The following OR4P4 variants were observed in gnomAD, a reference collection of about 807,000 sequenced individuals.
OR4P4 encodes the protein olfactory receptor family 4 subfamily P member 4, also known as olfactory receptor 4P4.
In OR4P4, 1 loss-of-function variant was observed where a neutral mutation model predicts 2.1. The ratio of observed to expected loss-of-function variants is 0.47; its 90% CI spans 0.17 to 2.21. The LOEUF is 2.21. Among genes scored for constraint, OR4P4 ranks in the 30% most tolerant of loss-of-function variants. The pLI, the probability that OR4P4 is intolerant of heterozygous loss-of-function variation, is 0.27. For missense variants in OR4P4, 375 were observed against 376.5 expected (o/e 1.00, Z 0.03); for synonymous variants, 129 against 133.2 (o/e 0.97, Z 0.22).
rs1360104134 is a variant in OR4P4 at position 55,639,325 on chromosome 11, C to T, written c.*29C>T. The T allele has an allele frequency of 1.7e-6, 2 of 1,190,884 alleles. 1 individual carries two copies. The allele number at this position is 1,190,884 out of a possible 1,614,324, so 73.8% of individuals were successfully genotyped here. A position where few individuals can be genotyped will look rare whatever the true frequency, so the allele number is the denominator to read the frequency against. The stretch of plus-strand genomic sequence containing the variant: ...GTTTCTGCTTTTCATGCCGTGGTTC[C>T]CTGATGAATGAGAAAAATTCACTCT... On this transcript the variant is annotated 3_prime_UTR_variant, in exon 2 of 2. Transcript: ENST00000641760.
rs1174049921 is a variant in OR4P4, at chr11:55,636,268, T to C, written c.-31+1052T>C. Among the ~76,000 whole-genome samples the C allele has an allele frequency of 1.4e-5, 2 of 138,006 alleles. 1 individual carries two copies. The highest frequency in any genetic ancestry group is 3.2e-5 in the Non-Finnish European group (2 of 61,794). The allele number at this position is 138,006 out of a possible 152,430, so 90.5% of individuals were successfully genotyped here. A position where few individuals can be genotyped will look rare whatever the true frequency, so the allele number is the denominator to read the frequency against. On this transcript the variant is annotated intron_variant, in intron 1 of 1. Transcript: ENST00000641760. ...TATTCATGTTTGGGAGAACAAAATA[T>C]ATCTTGCTTCCTGCAGAAATATGTG...
At chr11:55,639,609 G>C (rs9667617) in exon 2 of OR4P4, 192,457 of 230,282 alleles carry the variant, frequency 0.84, 84,789 homozygotes, top group East Asian at 1. Context: ...GTGCCTTAAA[G>C]TTCTGAGAAG....
At position 55,635,415 on chromosome 11, in the gene OR4P4, T is replaced by C. The variant is rs369592410; in HGVS notation, c.-31+199T>C. 2.5e-4 allele frequency among the ~76,000 whole-genome samples: 35 copies of C among 138,032 alleles called. 2 individuals carry two copies. Among genetic ancestry groups the C allele is most frequent in the African/African-American group, 8.3e-4 (33 of 39,972 alleles). The allele number at this position is 138,032 out of a possible 152,430, so 90.6% of individuals were successfully genotyped here. A position where few individuals can be genotyped will look rare whatever the true frequency, so the allele number is the denominator to read the frequency against. ...TAGTTTTTGAAAACAAGGCAAGTAC[T>C]CCTCTTGCCTTCAAACTTTTTTTTA... is the stretch of plus-strand genomic sequence containing the variant. On this transcript the variant is annotated intron_variant, in intron 1 of 1. Coordinates refer to ENST00000641760, the Ensembl canonical transcript of OR4P4.
chr11:55,638,481 C>A (rs573166732), exon 2 of OR4P4: 1 of 1,475,918 alleles, frequency 6.8e-7, no homozygotes, highest in East Asian at 2.6e-5. Flanking sequence ...GGGAAACTTA[C>A]TCATAATGAT....
At chr11:55,637,627 A>C (rs1301684631) in intron 1 of OR4P4, among the ~76,000 whole-genome samples, 1 of 138,076 alleles carries the variant, frequency 7.2e-6, no homozygotes, top group East Asian at 2.3e-4. Context: ...GGGGTTTAAG[A>C]AGTCAAGAAT....
rs1255031306 is a variant in OR4P4, at chr11:55,638,610, G to A, written c.253G>A (p.Ala85Thr). Residue 85 changes from alanine to threonine, a missense_variant, in exon 2 of 2, where the codon GCA (alanine) becomes ACA (threonine). Ala to Thr is a moderately conservative substitution (Grantham distance 58, BLOSUM62 0). Transcript: ENST00000641760. ...CCCCAAATTAATGGTTGACTTACTGGCAGAAAGAAAGACCATTTCCTATAA... is the reference window on the plus strand; with the variant it reads ...CCCCAAATTAATGGTTGACTTACTGACAGAAAGAAAGACCATTTCCTATAA... 4.0e-6 allele frequency: 6 copies of A among 1,487,368 alleles called. 2 individuals are homozygous for A. In the East Asian group the frequency reaches 1.5e-4, roughly 38 times the overall value. 92.1% of individuals were successfully genotyped at this position (1,487,368 alleles called of 1,614,324 possible).
At chr11:55,638,707 C>T (rs751141797) in exon 2 of OR4P4, 1 of 1,491,766 alleles carries the variant, frequency 6.7e-7, no homozygotes. Flanking sequence ...ACAGGGATGG[C>T]CTATGACCGC....
Position 55,638,479 on chromosome 11 carries a change from T to C in OR4P4, c.122T>C (p.Leu41Ser), listed in dbSNP as rs1448219393. The C allele has an allele frequency of 6.8e-7, 1 of 1,476,118 alleles. No homozygotes were observed. Among genetic ancestry groups the C allele is most frequent in the Non-Finnish European group, 9.2e-7 (1 of 1,083,146 alleles). The allele number at this position is 1,476,118 out of a possible 1,614,324, so 91.4% of individuals were successfully genotyped here. A position where few individuals can be genotyped will look rare whatever the true frequency, so the allele number is the denominator to read the frequency against. ...TACATTGCTATTTGGATGGGAAACT[T>C]ACTCATAATGATTTCTATCACGTGC... Residue 41 changes from leucine to serine, a missense_variant, in exon 2 of 2, where the codon TTA (leucine) becomes TCA (serine). Transcript: ENST00000641760.
At position 55,638,806 on chromosome 11, in the gene OR4P4, GA is replaced by G. The variant is rs1858422655; in HGVS notation, c.450del (p.Phe151LeufsTer22). On this transcript the variant is annotated frameshift_variant, in exon 2 of 2. Coordinates refer to ENST00000641760, the Ensembl canonical transcript of OR4P4. LOFTEE classifies it low-confidence loss of function (END_TRUNC). ...ATCATCATAGTTTGTTGTACTGGGG[GA>G]TTTATACATTCTGCCAGTCAGTTTC... is the stretch of plus-strand genomic sequence containing the variant. The G allele has an allele frequency of 6.7e-7, 1 of 1,491,626 alleles. No homozygotes were observed. The highest frequency in any genetic ancestry group is 1.2e-5 in the South Asian group (1 of 84,880). 92.4% of individuals were successfully genotyped at this position (1,491,626 alleles called of 1,614,324 possible).
At chr11:55,638,747 C>T (rs1345124613) in exon 2 of OR4P4, 1 of 1,492,600 alleles carries the variant, frequency 6.7e-7, no homozygotes, top group Admixed American at 2.0e-5. Flanking sequence ...CCCTGCACTA[C>T]ACCATTATTA....
In OR4P4 at chr11:55,639,287, AC is replaced by A; in HGVS notation, c.931del (p.Leu311PhefsTer16). 1.4e-6 allele frequency: 2 copies of A among 1,410,540 alleles called. No individual in the cohort carries two copies. Among genetic ancestry groups the A allele is most frequent in the Non-Finnish European group, 1.9e-6 (2 of 1,041,212 alleles). 87.4% of individuals were successfully genotyped at this position (1,410,540 alleles called of 1,614,324 possible). On this transcript the variant is annotated frameshift_variant, in exon 2 of 2. Coordinates refer to ENST00000641760, the Ensembl canonical transcript of OR4P4. LOFTEE classifies it high-confidence loss of function. ...GTCAAATACTCCTGAAAAGAAATCA[AC>A]TTTTCTGAATTGTTTCTGCTTTTCA...
chr11:55,639,133 C>T lies in OR4P4; in HGVS notation c.776C>T (p.Pro259Leu), dbSNP rs753984758. ...CCTGCATTGTTCATTTACATTAGAC[C>T]GGTCACAACATTCTCAGAAGATAAA... Residue 259 changes from proline (P) to leucine (L), a missense_variant, in exon 2 of 2, where the codon CCG becomes CTG. Pro to Leu is a moderately conservative substitution (Grantham distance 98). Coordinates refer to ENST00000641760, the Ensembl canonical transcript of OR4P4. 18 of 1,493,226 alleles carry T rather than the reference C, an allele frequency of 1.2e-5. 3 individuals are homozygous for T. Among genetic ancestry groups the T allele is most frequent in the African/African-American group, 8.3e-5 (6 of 72,722 alleles). The allele number at this position is 1,493,226 out of a possible 1,614,324, so 92.5% of individuals were successfully genotyped here.
chr11:55,638,235 G>A lies in OR4P4; in HGVS notation c.-30-93G>A. 4 of 550,832 alleles carry A rather than the reference G, an allele frequency of 7.3e-6. No individual in the cohort carries two copies. In the South Asian group the frequency reaches 1.1e-4, roughly 16 times the overall value. 34.1% of individuals were successfully genotyped at this position (550,832 alleles called of 1,614,324 possible). A position where few individuals can be genotyped will look rare whatever the true frequency, so the allele number is the denominator to read the frequency against. ...TATTTACTCTCTGAACCACTTGAAT[G>A]AGGTAAATTAAATCTAGCTAGTTCC... On this transcript the variant is annotated intron_variant, in intron 1 of 1. Coordinates refer to ENST00000641760, the Ensembl canonical transcript of OR4P4.
chr11:55,635,850 A>C (rs543556290), intron 1 of OR4P4, among the ~76,000 whole-genome samples: 2 of 137,838 alleles, frequency 1.5e-5, no homozygotes, highest in East Asian at 2.4e-4. Flanking sequence ...CTATAGACTA[A>C]GACATTTTTG....
In OR4P4 at chr11:55,638,519, C is replaced by G. The variant is rs1305955307; in HGVS notation, c.162C>G (p.His54Gln). ...CTATCACGTGCACCCAGCTCATTCACCAACCCATGTATTTCTTCCTCAATT... is the reference window on the plus strand; with the variant it reads ...CTATCACGTGCACCCAGCTCATTCAGCAACCCATGTATTTCTTCCTCAATT... The change falls in exon 2 of 2, where the codon CAC (histidine) becomes CAG (glutamine). Residue 54 changes from histidine (H) to glutamine (Q), a missense_variant. By Grantham distance (24) the His-to-Gln change is conservative. Coordinates refer to ENST00000641760, the Ensembl canonical transcript of OR4P4. 1.3e-6 allele frequency: 2 copies of G among 1,487,060 alleles called. 1 individual carries two copies. Among genetic ancestry groups the G allele is most frequent in the East Asian group, 5.2e-5 (2 of 38,742 alleles). The allele number at this position is 1,487,060 out of a possible 1,614,324, so 92.1% of individuals were successfully genotyped here.
At chr11:55,638,418 A>T in exon 2 of OR4P4, 1 of 1,459,146 alleles carries the variant, frequency 6.9e-7, no homozygotes, top group Non-Finnish European at 9.3e-7. Context: ...AAATAAGAAC[A>T]TTGAAGTCCT....
At position 55,638,653 on chromosome 11, in the gene OR4P4, T is replaced by A. The variant is rs148266315; in HGVS notation, c.296T>A (p.Leu99His). ...TCCTATAATAACTGTATGATACAAC[T>A]CTTTACCACCCATTTTTTTGGAGGC... Residue 99 changes from leucine (L) to histidine (H), a missense_variant, in exon 2 of 2, where the codon CTC (leucine) becomes CAC (histidine). Coordinates refer to ENST00000641760, the Ensembl canonical transcript of OR4P4. 1.9e-3 allele frequency: 2,813 copies of A among 1,492,798 alleles called. 586 individuals are homozygous for A. Among genetic ancestry groups the A allele is most frequent in the Non-Finnish European group, 2.0e-3 (2,217 of 1,097,324 alleles). 92.5% of individuals were successfully genotyped at this position (1,492,798 alleles called of 1,614,324 possible).
intron 1 of OR4P4, 137 bp from the exon 2 acceptor site, chr11:55,638,191 A>T: frequency 2.3e-6 from 1 of 443,190 alleles, no homozygotes; most frequent in Non-Finnish European, 3.9e-6. Flanking sequence ...TTAGAAAGCC[A>T]TTTTAATTGA....
rs745655311 is a variant in OR4P4 at position 55,637,939 on chromosome 11, A to G, written c.-30-389A>G. 9.4e-5 allele frequency among the ~76,000 whole-genome samples: 13 copies of G among 138,722 alleles called. 2 individuals are homozygous for G. The highest frequency in any genetic ancestry group is 2.1e-4 in the Non-Finnish European group (13 of 62,276). The allele number at this position is 138,722 out of a possible 152,430, so 91.0% of individuals were successfully genotyped here. On this transcript the variant is annotated intron_variant, in intron 1 of 1. Transcript: ENST00000641760. ...ACATTATTTAAAAAATAATATTTGT[A>G]TGACTTGTTTCCTTAATAAATTTTG...
Sources: gnomAD v4.1 joint callset for allele counts (sites outside exome capture counted in the v4.1 genomes callset) on GRCh38, gnomAD v4.1.1 for gene constraint, MANE v1.5 for transcripts, NCBI Gene and HGNC (gene_info 2026-07-23, HGNC 2026-07-21) for gene names.